UNC79: variants seen among roughly 807,000 people sequenced by gnomAD.
The protein encoded by UNC79 is protein unc-79 homolog.
A neutral mutation model predicts 283.1 loss-of-function variants in UNC79; 37 were observed. The ratio of observed to expected loss-of-function variants is 0.13; its 90% CI spans 0.10 to 0.17. The LOEUF (loss-of-function observed/expected upper bound fraction) is 0.17. Among genes scored for constraint, UNC79 ranks in the 10% least tolerant of loss-of-function variants. The pLI is 1.00. For missense variants in UNC79, 2,272 were observed against 3,211.1 expected (o/e 0.71, Z 7.07); for synonymous variants, 1,107 against 1,200.2 (o/e 0.92, Z 1.61).
intron 34 of UNC79, among the ~76,000 whole-genome samples, chr14:93,645,413 C>T (rs567625694): frequency 6.6e-5 from 10 of 152,300 alleles, no homozygotes; most frequent in African/African-American, 2.4e-4. Flanking sequence ...TTAGTGCAAG[C>T]TGCCACAATT....
At chr14:93,337,968 C>T (rs2053615976) in intron 1 of UNC79, among the ~76,000 whole-genome samples, 1 of 152,126 alleles carries the variant, frequency 6.6e-6, no homozygotes, top group African/African-American at 2.4e-5. Flanking sequence ...GAGCTGCCCA[C>T]CTCACCCCAG....
chr14:93,344,678 C>T (rs998541264), intron 1 of UNC79, among the ~76,000 whole-genome samples: 1 of 152,216 alleles, frequency 6.6e-6, no homozygotes, highest in Non-Finnish European at 1.5e-5. Context: ...GGAAACAGAG[C>T]AATGTTGCAC....
intron 7 of UNC79, among the ~76,000 whole-genome samples, chr14:93,522,855 A>G (rs1346687608): frequency 6.6e-6 from 1 of 152,164 alleles, no homozygotes; most frequent in Non-Finnish European, 1.5e-5. Flanking sequence ...CCAACTAGAC[A>G]CATAATCTTA....
intron 1 of UNC79, among the ~76,000 whole-genome samples, chr14:93,375,842 G>A (rs2139976479): frequency 6.6e-6 from 1 of 152,152 alleles, no homozygotes; most frequent in South Asian, 2.1e-4. Flanking sequence ...TCAACATTGG[G>A]GATTACAATT....
chr14:93,679,789 T>C (rs2073684004), intron 41 of UNC79, among the ~76,000 whole-genome samples: 1 of 152,236 alleles, frequency 6.6e-6, no homozygotes, highest in South Asian at 2.1e-4. Context: ...TTTGTATTCA[T>C]GGGGGAATGC....
chr14:93,629,749 A>G (rs1302604880), intron 30 of UNC79, among the ~76,000 whole-genome samples: 1 of 152,238 alleles, frequency 6.6e-6, no homozygotes, highest in African/African-American at 2.4e-5. Context: ...CTCTGGCAAG[A>G]AAAAACAATT....
chr14:93,462,380 G>A lies in UNC79; in HGVS notation c.23-5291G>A, dbSNP rs186103507. Among the ~76,000 whole-genome samples, 192 of 152,348 alleles carry A rather than the reference G, an allele frequency of 1.3e-3. 2 individuals are homozygous for A. Among genetic ancestry groups the A allele is most frequent in the African/African-American group, 4.4e-3 (184 of 41,578 alleles). Reference sequence around the variant, plus strand: ...GTCACGACGTTAGGTTGGAAGGTAGGCAGGGACTTTGACCACACTAAGGAG... The same window carrying A: ...GTCACGACGTTAGGTTGGAAGGTAGACAGGGACTTTGACCACACTAAGGAG... On this transcript the variant is annotated intron_variant, in intron 1 of 48. Coordinates refer to ENST00000555664, the Ensembl canonical transcript of UNC79.
intron 5 of UNC79, among the ~76,000 whole-genome samples, chr14:93,492,620 C>G (rs2058785026): frequency 6.6e-6 from 1 of 152,124 alleles, no homozygotes; most frequent in East Asian, 1.9e-4. Context: ...TCCCAAAGTG[C>G]TGGGATTACA....
chr14:93,335,195 CTGTT>C (rs1193477732), intron 1 of UNC79: 1 of 152,242 alleles, frequency 6.6e-6, no homozygotes, highest in African/African-American at 2.4e-5. Context: ...TTCTAGTAGA[CTGTT>C]TGGATCTAGA....
chr14:93,536,186 G>C (rs2061063628), intron 11 of UNC79, among the ~76,000 whole-genome samples: 1 of 152,238 alleles, frequency 6.6e-6, no homozygotes, highest in Admixed American at 6.5e-5. Flanking sequence ...GTGAGGAAAT[G>C]AGAGGAAGGT....
intron 28 of UNC79, 70 bp from the exon 30 acceptor site, chr14:93,618,122 C>A: frequency 6.6e-7 from 1 of 1,506,310 alleles, no homozygotes; most frequent in Non-Finnish European, 8.9e-7. Flanking sequence ...AAGTATCCAG[C>A]AAGATCAGGT....
intron 1 of UNC79, among the ~76,000 whole-genome samples, chr14:93,340,466 A>G (rs980375749): frequency 7.4e-5 from 9 of 122,040 alleles, no homozygotes; most frequent in African/African-American, 2.7e-4. Flanking sequence ...AAAAAAAAAG[A>G]AGGCCACCTA....
chr14:93,698,476 G>GTTTTTTTTTTTTTTTTTTTTTTTGTTTT (rs2075305005), intron 47 of UNC79, among the ~76,000 whole-genome samples: 1 of 79,096 alleles, frequency 1.3e-5, no homozygotes, highest in Non-Finnish European at 2.6e-5. Context: ...TTTAGTTTAG[G>GTTTTTTTTTTTTTTTTTTTTTTTGTTTT]TTTTTTTTTT....
intron 11 of UNC79, 40 bp from the exon 12 acceptor site, chr14:93,537,949 G>A (rs376895942): frequency 6.6e-5 from 104 of 1,565,438 alleles, no homozygotes; most frequent in Non-Finnish European, 8.7e-5. Context: ...AGTTTACCTC[G>A]GTGGTCAATT....
intron 14 of UNC79, among the ~76,000 whole-genome samples, chr14:93,563,620 G>A (rs543965106): frequency 1.4e-4 from 22 of 152,196 alleles, no homozygotes; most frequent in Non-Finnish European, 2.8e-4. Flanking sequence ...CTACAGCATA[G>A]CCTGCTTTTG....
chr14:93,547,273 G>T (rs761717406), intron 14 of UNC79, among the ~76,000 whole-genome samples: 33 of 152,198 alleles, frequency 2.2e-4, no homozygotes, highest in Non-Finnish European at 4.0e-4. Flanking sequence ...GTAACCTAAG[G>T]ACAGTTAAAC....
chr14:93,381,330 G>T (rs2054660756), intron 1 of UNC79, among the ~76,000 whole-genome samples: 1 of 152,192 alleles, frequency 6.6e-6, no homozygotes, highest in Non-Finnish European at 1.5e-5. Context: ...CAGAAGGAGT[G>T]TGGGTGCTTT....
chr14:93,645,579 C>T (rs1041406220), intron 34 of UNC79, among the ~76,000 whole-genome samples: 1 of 152,140 alleles, frequency 6.6e-6, no homozygotes, highest in Non-Finnish European at 1.5e-5. Flanking sequence ...ATTATGACCA[C>T]GGGGACCATT....
chr14:93,655,163 C>T, intron 37 of UNC79, 71 bp from the exon 41 acceptor site: 1 of 1,546,244 alleles, frequency 6.5e-7, no homozygotes, highest in South Asian at 1.2e-5. Flanking sequence ...TTTAAACTGA[C>T]ATTTACCAAA....
Sources: allele counts gnomAD v4.1 joint callset (sites outside exome capture counted in the v4.1 genomes callset), GRCh38; gene constraint gnomAD v4.1.1; transcripts MANE v1.5; gene names NCBI Gene and HGNC (gene_info 2026-07-23, HGNC 2026-07-21).